The following NPAS2 variants were observed in gnomAD, a reference collection of about 807,000 sequenced individuals.
NPAS2 encodes the protein neuronal PAS domain protein 2.
In NPAS2, 23 loss-of-function variants were observed where a neutral mutation model predicts 107.5. That is an observed-to-expected ratio of 0.21 (90% CI 0.15 to 0.30). The LOEUF is 0.30. Among genes scored for constraint, NPAS2 ranks in the 10% least tolerant of loss-of-function variants. The pLI, the probability that NPAS2 is intolerant of heterozygous loss-of-function variation, is 1.00. For synonymous variants in NPAS2, 403 were observed against 417.5 expected, an observed-to-expected ratio of 0.97 and a Z score of 0.42; for missense variants, 756 against 1,043.3, an observed-to-expected ratio of 0.72 and a Z score of 3.79.
intron 7 of NPAS2, among the ~76,000 whole-genome samples, chr2:100,954,664 C>CAAAAAAAAA (rs1194534141): frequency 3.7e-5 from 3 of 81,320 alleles, no homozygotes; most frequent in African/African-American, 1.0e-4. Flanking sequence ...AACTGTGTCT[C>CAAAAAAAAA]AAAAAAAAAA....
In NPAS2 at chr2:100,995,355, G is replaced by A. The variant is rs755464284; in HGVS notation, c.2293-45G>A. On this transcript the variant is annotated intron_variant, in intron 20 of 20. Coordinates refer to ENST00000335681, the MANE Select transcript of NPAS2 (RefSeq NM_002518.4). ...CTGCCTTGTAAGACAGTTGAGGAGC[G>A]GACATCAGAACCACCTCTGAAGCCC... 5.4e-4 allele frequency: 837 copies of A among 1,544,158 alleles called. 1 individual carries two copies. The highest frequency in any genetic ancestry group is 7.1e-4 in the Non-Finnish European group (797 of 1,130,148).
rs1248825869 is a variant in NPAS2 at position 100,965,855 on chromosome 2, T to C, written c.907+89T>C. 2 of 804,718 alleles carry C rather than the reference T, an allele frequency of 2.5e-6. No individual in the cohort carries two copies. The highest frequency in any genetic ancestry group is 4.1e-6 in the Non-Finnish European group (2 of 482,354). The allele number at this position is 804,718 out of a possible 1,614,324, so 49.8% of individuals were successfully genotyped here. A position where few individuals can be genotyped will look rare whatever the true frequency, so the allele number is the denominator to read the frequency against. ...AGGGCTCTGGGACTCCAGAAGCCTC[T>C]GCTCGTTACCTGGTTTCTTTTTAAG... On this transcript the variant is annotated intron_variant, in intron 10 of 20. Transcript: ENST00000335681. The surrounding 1 kb of genome is among the most constrained non-coding windows in gnomAD (Gnocchi z 4.3).
At chr2:100,943,049 A>G (rs1327595001) in intron 5 of NPAS2, among the ~76,000 whole-genome samples, 1 of 152,186 alleles carries the variant, frequency 6.6e-6, no homozygotes, top group Non-Finnish European at 1.5e-5. Context: ...AACGTTTGCA[A>G]GCATCCCTGG....
At chr2:100,835,621 A>G (rs1002581708) in intron 1 of NPAS2, among the ~76,000 whole-genome samples, 1 of 152,202 alleles carries the variant, frequency 6.6e-6, no homozygotes, top group African/African-American at 2.4e-5. Flanking sequence ...GGCTGTAATA[A>G]GGATTGTTAA....
chr2:100,876,451 C>T (rs898509544), intron 1 of NPAS2, among the ~76,000 whole-genome samples: 29 of 152,238 alleles, frequency 1.9e-4, no homozygotes, highest in Non-Finnish European at 8.8e-5. Context: ...TCTGTCTCTT[C>T]CTTTCGGACC....
intron 4 of NPAS2, among the ~76,000 whole-genome samples, chr2:100,935,373 A>G (rs561974310): frequency 6.6e-6 from 1 of 152,318 alleles, no homozygotes; most frequent in South Asian, 2.1e-4. Flanking sequence ...CGGTTAGAAA[A>G]TTCTGGGCCA....
chr2:100,837,974 G>A (rs1378324735), intron 1 of NPAS2, among the ~76,000 whole-genome samples: 1 of 152,108 alleles, frequency 6.6e-6, no homozygotes, highest in Non-Finnish European at 1.5e-5. Context: ...GCAGAACCCA[G>A]GGTGGGAACA....
intron 20 of NPAS2, 49 bp from the exon 21 acceptor site, chr2:100,995,351 G>A (rs755602760): frequency 1.3e-6 from 2 of 1,526,548 alleles, no homozygotes; most frequent in African/African-American, 2.7e-5. Context: ...GACAGTTGAG[G>A]AGCGGACATC....
intron 3 of NPAS2, among the ~76,000 whole-genome samples, chr2:100,929,584 T>C (rs775779124): frequency 3.9e-5 from 6 of 152,130 alleles, no homozygotes; most frequent in Admixed American, 6.5e-5. Context: ...AAGAGAAGAT[T>C]GTTCACTTTT....
At position 100,965,002 on chromosome 2, in the gene NPAS2, C is replaced by G; in HGVS notation, c.800+59C>G. The G allele has an allele frequency of 8.8e-7, 1 of 1,138,280 alleles. No homozygotes were observed. Among genetic ancestry groups the G allele is most frequent in the South Asian group, 1.4e-5 (1 of 69,576 alleles). 70.5% of individuals were successfully genotyped at this position (1,138,280 alleles called of 1,614,324 possible). On this transcript the variant is annotated intron_variant, in intron 9 of 20. Transcript: ENST00000335681. This position sits in a 1 kb window ranked among gnomAD's most constrained non-coding sequence, Gnocchi z 4.3. The stretch of plus-strand genomic sequence containing the variant: ...CCTTCTCAAGTCTTGTTTGCGTGAG[C>G]CAGGCTCTCCTTGGGAGAGAAGAGT...
chr2:100,988,519 C>T (rs1213690068), intron 17 of NPAS2: 4 of 520,686 alleles, frequency 7.7e-6, no homozygotes, highest in East Asian at 6.7e-5. Flanking sequence ...CCCTTGCTCT[C>T]GTGCTTAAAG....
At chr2:100,853,168 G>A (rs1382343275) in intron 1 of NPAS2, among the ~76,000 whole-genome samples, 1 of 152,170 alleles carries the variant, frequency 6.6e-6, no homozygotes, top group Non-Finnish European at 1.5e-5. Flanking sequence ...TGTGGTCAAG[G>A]GAGTGTATCG....
intron 4 of NPAS2, among the ~76,000 whole-genome samples, chr2:100,933,821 G>C (rs1573654849): frequency 6.6e-6 from 1 of 152,212 alleles, no homozygotes; most frequent in Admixed American, 6.5e-5. Flanking sequence ...CAACCAAGAG[G>C]AGGCAAACTG....
chr2:100,927,226 G>A lies in NPAS2; in HGVS notation c.181+1932G>A, dbSNP rs187263744. 8.4e-3 allele frequency among the ~76,000 whole-genome samples: 1,275 copies of A among 152,080 alleles called. 11 individuals are homozygous for A. Among genetic ancestry groups the A allele is most frequent in the Non-Finnish European group, 0.012 (814 of 67,994 alleles). On this transcript the variant is annotated intron_variant, in intron 3 of 20. Coordinates refer to ENST00000335681, the MANE Select transcript of NPAS2 (RefSeq NM_002518.4). ...TGGGATTGCAGGTGTGAGCCACCAC[G>A]CCCAGCCTAAAAGGTTTATAATTTT...
intron 1 of NPAS2, among the ~76,000 whole-genome samples, chr2:100,887,324 G>A (rs1452899797): frequency 6.6e-6 from 1 of 152,208 alleles, no homozygotes; most frequent in Non-Finnish European, 1.5e-5. Context: ...CAGACTGGAT[G>A]CAGGAACAGC....
At chr2:100,833,693 CA>C (rs752980638) in intron 1 of NPAS2, among the ~76,000 whole-genome samples, 10 of 152,196 alleles carry the variant, frequency 6.6e-5, no homozygotes, top group Non-Finnish European at 1.0e-4. Context: ...CAGTCCAAAT[CA>C]AATAGCCTCT....
intron 1 of NPAS2, among the ~76,000 whole-genome samples, chr2:100,849,198 G>A (rs1418658938): frequency 6.6e-6 from 1 of 152,218 alleles, no homozygotes; most frequent in Non-Finnish European, 1.5e-5. Flanking sequence ...TCAGTCTAAA[G>A]TCAGCTCTCT....
chr2:100,832,180 A>G (rs767117368), intron 1 of NPAS2, among the ~76,000 whole-genome samples: 8 of 152,064 alleles, frequency 5.3e-5, no homozygotes, highest in African/African-American at 1.9e-4. Context: ...ATCACATTCC[A>G]TGGAGAGAAT....
At chr2:100,890,059 A>C (rs1487155689) in intron 1 of NPAS2, among the ~76,000 whole-genome samples, 2 of 152,094 alleles carry the variant, frequency 1.3e-5, no homozygotes, top group Non-Finnish European at 2.9e-5. Context: ...TTCCTGGTTC[A>C]TTGGGAGTGA....
Sources: gnomAD v4.1 joint callset for allele counts (sites outside exome capture counted in the v4.1 genomes callset) on GRCh38, gnomAD v4.1.1 for gene constraint, Gnocchi (gnomAD v3.1) non-coding constraint, MANE v1.5 for transcripts, NCBI Gene and HGNC (gene_info 2026-07-23, HGNC 2026-07-21) for gene names.